CPLX4: variants seen among roughly 807,000 people sequenced by gnomAD.
CPLX4 encodes complexin-4.
A neutral mutation model predicts 16.1 loss-of-function variants in CPLX4; 17 were observed. That is an observed-to-expected ratio of 1.06 (90% CI 0.72 to 1.59). The LOEUF is 1.59. Among genes scored for constraint, CPLX4 ranks in the 40% most tolerant of loss-of-function variants. CPLX4 has a pLI of 0.00. For missense variants in CPLX4, 193 were observed against 192.9 expected (o/e 1.00, Z 0.00); for synonymous variants, 55 against 57.8 (o/e 0.95, Z 0.22).
At chr18:59,314,598 A>C (rs1316045195) in intron 1 of CPLX4, among the ~76,000 whole-genome samples, 1 of 152,118 alleles carries the variant, frequency 6.6e-6, no homozygotes, top group African/African-American at 2.4e-5. Context: ...GTAACCCAAA[A>C]ACCCTCTCAA....
At chr18:59,313,462 T>C (rs559920385) in intron 1 of CPLX4, among the ~76,000 whole-genome samples, 36 of 152,192 alleles carry the variant, frequency 2.4e-4, no homozygotes, top group Non-Finnish European at 4.9e-4. Context: ...TGGTTTGAAA[T>C]GGACGTTCTT....
At chr18:59,302,538 T>C (rs2070549035) in intron 2 of CPLX4, among the ~76,000 whole-genome samples, 1 of 152,232 alleles carries the variant, frequency 6.6e-6, no homozygotes, top group Non-Finnish European at 1.5e-5. Flanking sequence ...ATTTGGGATA[T>C]TGTTTAATGC....
At chr18:59,310,642 A>G (rs1181581500) in intron 2 of CPLX4, among the ~76,000 whole-genome samples, 1 of 152,164 alleles carries the variant, frequency 6.6e-6, no homozygotes, top group Non-Finnish European at 1.5e-5. Context: ...CATAATGTCA[A>G]TAATAAGAGC....
chr18:59,309,507 T>G (rs1458725284), intron 2 of CPLX4, among the ~76,000 whole-genome samples: 1 of 152,032 alleles, frequency 6.6e-6, no homozygotes. Flanking sequence ...CCCTAAAATT[T>G]TGGGGAACAG....
At chr18:59,318,218 A>G in intron 1 of CPLX4, 78 bp downstream of exon 1, 4 of 1,469,380 alleles carry the variant, frequency 2.7e-6, no homozygotes, top group Non-Finnish European at 3.6e-6. Flanking sequence ...AAAGAGAAAT[A>G]AACTGGAGAA....
rs775187540 is a variant in CPLX4, at chr18:59,296,691, C to G, written c.*7G>C. 1.9e-5 allele frequency: 30 copies of G among 1,609,154 alleles called. No individual in the cohort carries two copies. The highest frequency in any genetic ancestry group is 2.5e-5 in the Non-Finnish European group (30 of 1,176,704). On this transcript the variant is annotated 3_prime_UTR_variant, in exon 3 of 3. Coordinates refer to ENST00000299721, the MANE Select transcript of CPLX4 (RefSeq NM_181654.4). ...GGCTGGTTCCCTCCCTCCACCCCTCCCACCCCTCACATCACGGAACACTTC... is the reference window on the plus strand; with the variant it reads ...GGCTGGTTCCCTCCCTCCACCCCTCGCACCCCTCACATCACGGAACACTTC...
At chr18:59,307,140 C>T (rs1454908815) in intron 2 of CPLX4, among the ~76,000 whole-genome samples, 4 of 152,046 alleles carry the variant, frequency 2.6e-5, no homozygotes, top group Admixed American at 6.6e-5. Context: ...GAAGGGGGCA[C>T]GAAAAAGTCC....
rs563752916 is a variant in CPLX4 at position 59,317,590 on chromosome 18, C to T, written c.167+706G>A. ...AAGTATTTGGGGGTGAAGTACATGA[C>T]ATCTGTAATTTACTTTAAAAGCTAT... On this transcript the variant is annotated intron_variant, in intron 1 of 2. Coordinates refer to ENST00000299721, the MANE Select transcript of CPLX4 (RefSeq NM_181654.4). Among the ~76,000 whole-genome samples, 18 of 152,102 alleles carry T rather than the reference C, an allele frequency of 1.2e-4. No homozygotes were observed. In the East Asian group the frequency reaches 3.5e-3, roughly 29 times the overall value.
chr18:59,315,496 G>A (rs567707131), intron 1 of CPLX4, among the ~76,000 whole-genome samples: 2 of 152,052 alleles, frequency 1.3e-5, no homozygotes, highest in Admixed American at 6.6e-5. Flanking sequence ...TTTTCTAAAT[G>A]GCATCTTTTA....
chr18:59,301,380 A>C (rs1199102940), intron 2 of CPLX4, among the ~76,000 whole-genome samples: 4 of 152,248 alleles, frequency 2.6e-5, no homozygotes, highest in African/African-American at 7.2e-5. Flanking sequence ...GTCCAAAGGC[A>C]GCAATGGGTG....
intron 2 of CPLX4, among the ~76,000 whole-genome samples, chr18:59,306,772 G>A (rs2070579335): frequency 6.6e-6 from 1 of 152,194 alleles, no homozygotes; most frequent in Non-Finnish European, 1.5e-5. Flanking sequence ...CCTTGGTCAG[G>A]GGAAGGGTCT....
chr18:59,301,341 GC>G (rs1472363140), intron 2 of CPLX4, among the ~76,000 whole-genome samples: 2 of 152,076 alleles, frequency 1.3e-5, no homozygotes, highest in Non-Finnish European at 2.9e-5. Context: ...TAAAACATGG[GC>G]CCCAGGGCAG....
rs57560640 is a variant in CPLX4, at chr18:59,299,289, A to G, written c.256-2364T>C. ...GACGACTCATTCTCAGTTCATGCCA[A>G]TGTGGGACATCTGCCCTCTCTTATG... is the stretch of plus-strand genomic sequence containing the variant. On this transcript the variant is annotated intron_variant, in intron 2 of 2. Coordinates refer to ENST00000299721, the MANE Select transcript of CPLX4 (RefSeq NM_181654.4). 7.6e-3 allele frequency among the ~76,000 whole-genome samples: 1,164 copies of G among 152,334 alleles called. 29 individuals are homozygous for G. The highest frequency in any genetic ancestry group is 0.026 in the African/African-American group (1,090 of 41,570).
intron 2 of CPLX4, among the ~76,000 whole-genome samples, chr18:59,309,819 T>G: frequency 1.2e-5 from 1 of 82,664 alleles, no homozygotes; most frequent in Admixed American, 1.5e-4. Context: ...TGAGACTCTG[T>G]GTCAAAAAAA....
At chr18:59,310,447 T>C (rs1054380770) in intron 2 of CPLX4, among the ~76,000 whole-genome samples, 12 of 152,214 alleles carry the variant, frequency 7.9e-5, no homozygotes, top group African/African-American at 2.4e-4. Flanking sequence ...CTAAGGGTGT[T>C]CACCCCTGAA....
intron 1 of CPLX4, among the ~76,000 whole-genome samples, chr18:59,315,047 G>A (rs923166254): frequency 6.6e-6 from 1 of 151,762 alleles, no homozygotes; most frequent in Admixed American, 6.6e-5. Flanking sequence ...GAATTTGCTG[G>A]GTTCTACGGT....
At chr18:59,309,649 C>T (rs1260612438) in intron 2 of CPLX4, among the ~76,000 whole-genome samples, 1 of 151,698 alleles carries the variant, frequency 6.6e-6, no homozygotes, top group East Asian at 1.9e-4. Flanking sequence ...CGGTGAAACC[C>T]CGTGTCTACT....
Position 59,296,941 on chromosome 18 carries a change from A to C in CPLX4, c.256-16T>G. 1 of 1,593,546 alleles carries C rather than the reference A, an allele frequency of 6.3e-7. No individual in the cohort carries two copies. The highest frequency in any genetic ancestry group is 8.5e-7 in the Non-Finnish European group (1 of 1,175,590). On this transcript the variant is annotated splice_polypyrimidine_tract_variant and intron_variant, in intron 2 of 2. Coordinates refer to ENST00000299721, the MANE Select transcript of CPLX4 (RefSeq NM_181654.4). ...CCATTTCACTCTATGTGAAAAATAAATAGAGATAGATAAATAACTCTAAAC... is the reference window on the plus strand; with the variant it reads ...CCATTTCACTCTATGTGAAAAATAACTAGAGATAGATAAATAACTCTAAAC...
intron 1 of CPLX4, among the ~76,000 whole-genome samples, chr18:59,317,087 A>C (rs1452498026): frequency 6.6e-6 from 1 of 152,164 alleles, no homozygotes; most frequent in Non-Finnish European, 1.5e-5. Flanking sequence ...AGAACCAAGC[A>C]TAATGTATTC....
Sources: allele counts gnomAD v4.1 joint callset (sites outside exome capture counted in the v4.1 genomes callset), GRCh38; gene constraint gnomAD v4.1.1; transcripts MANE v1.5; gene names NCBI Gene and HGNC (gene_info 2026-07-23, HGNC 2026-07-21).